RERE: variants seen among roughly 807,000 people sequenced by gnomAD.
RERE encodes arginine-glutamic acid dipeptide repeats.
In RERE, 40 loss-of-function variants were observed where a neutral mutation model predicts 146.1. That is an observed-to-expected ratio of 0.27 (90% CI 0.21 to 0.36). The LOEUF is 0.36. Among genes scored for constraint, RERE ranks in the 10% least tolerant of loss-of-function variants. The probability of loss-of-function intolerance (pLI) is 1.00; values close to 1 mark genes in which losing one functional copy is unlikely to be tolerated. For missense variants in RERE, 1,933 were observed against 2,138.7 expected, an observed-to-expected ratio of 0.90 and a Z score of 1.90; for synonymous variants, 1,003 against 866.0, an observed-to-expected ratio of 1.16 and a Z score of -2.78.
At chr1:8,783,598 A>G (rs1557540514) in intron 1 of RERE, among the ~76,000 whole-genome samples, 1 of 152,202 alleles carries the variant, frequency 6.6e-6, no homozygotes, top group African/African-American at 2.4e-5. Flanking sequence ...TGAACTCAGG[A>G]GTTTGAGACC....
chr1:8,634,806 G>A (rs2124262797), intron 2 of RERE, among the ~76,000 whole-genome samples: 1 of 152,296 alleles, frequency 6.6e-6, no homozygotes, highest in African/African-American at 2.4e-5. Flanking sequence ...CGCGATCTCG[G>A]TTCACTGCAA....
intron 7 of RERE, among the ~76,000 whole-genome samples, chr1:8,514,867 C>T (rs1290224678): frequency 6.6e-6 from 1 of 152,186 alleles, no homozygotes; most frequent in Non-Finnish European, 1.5e-5. Context: ...TCAGCAAGTG[C>T]TGGAGGCTAA....
intron 8 of RERE, among the ~76,000 whole-genome samples, chr1:8,502,908 T>A (rs1460628436): frequency 6.6e-6 from 1 of 151,018 alleles, no homozygotes; most frequent in Admixed American, 6.6e-5. Context: ...TTAAGAGTCA[T>A]CACCACTCCC....
chr1:8,597,880 A>C lies in RERE; in HGVS notation c.522+16681T>G, dbSNP rs182778236. On this transcript the variant is annotated intron_variant, in intron 4 of 22. Coordinates refer to ENST00000400908, the MANE Select transcript of RERE (RefSeq NM_001042681.2). ...ACCAACTGCCTGGTATTCAGCTGTG[A>C]CTGTGAGGATGGATAACTATATTTC... 4.6e-5 allele frequency among the ~76,000 whole-genome samples: 7 copies of C among 152,160 alleles called. No homozygotes were observed. The East Asian group carries it at 1.4e-3, about 29-fold the overall frequency.
At chr1:8,644,910 C>T (rs562428594) in intron 2 of RERE, among the ~76,000 whole-genome samples, 133 of 152,270 alleles carry the variant, frequency 8.7e-4, no homozygotes, top group African/African-American at 3.1e-3. Context: ...ATCAGTCTAT[C>T]TCTTCTTTTT....
intron 8 of RERE, 45 bp downstream of exon 8, chr1:8,508,582 T>TA (rs758032616): frequency 7.0e-7 from 1 of 1,427,740 alleles, no homozygotes; most frequent in Non-Finnish European, 9.9e-7. Context: ...AGCAGAGTAA[T>TA]AAGAAACAAA....
intron 1 of RERE, among the ~76,000 whole-genome samples, chr1:8,680,146 A>G (rs1570600694): frequency 6.6e-6 from 1 of 152,158 alleles, no homozygotes; most frequent in South Asian, 2.1e-4. Context: ...TCCTTTTCCT[A>G]TACACCTGGT....
At chr1:8,662,981 A>G (rs1395610721) in intron 1 of RERE, among the ~76,000 whole-genome samples, 3 of 152,170 alleles carry the variant, frequency 2.0e-5, no homozygotes, top group Non-Finnish European at 2.9e-5. Flanking sequence ...CAAATGTAAA[A>G]TATCAATAAT....
At chr1:8,598,576 G>C (rs940475440) in intron 4 of RERE, among the ~76,000 whole-genome samples, 5 of 152,170 alleles carry the variant, frequency 3.3e-5, no homozygotes, top group South Asian at 4.1e-4. Context: ...ACCAGGGCTG[G>C]ATTCCACACA....
intron 1 of RERE, among the ~76,000 whole-genome samples, chr1:8,799,151 G>A (rs547686270): frequency 6.0e-5 from 9 of 150,484 alleles, no homozygotes; most frequent in East Asian, 5.9e-4. Flanking sequence ...CCGCCACCAC[G>A]TCCAGCTAAT....
chr1:8,604,672 G>A (rs1646679537), intron 4 of RERE, among the ~76,000 whole-genome samples: 1 of 149,948 alleles, frequency 6.7e-6, no homozygotes, highest in African/African-American at 2.5e-5. Flanking sequence ...AAGGAAGGAA[G>A]GAAGTCCACA....
At chr1:8,365,642 C>A (rs189700806) in intron 13 of RERE, among the ~76,000 whole-genome samples, 170 bp downstream of exon 13, 2 of 152,292 alleles carry the variant, frequency 1.3e-5, no homozygotes, top group East Asian at 3.9e-4. Flanking sequence ...TCCTGCTCCC[C>A]GCCCCCACCA....
Position 8,416,598 on chromosome 1 carries a change from AAAAAGAAAAG to A in RERE, c.1284+6119_1284+6128del, listed in dbSNP as rs1224760336. ...GAGACTCCATCTCCAAAAAAAAAAA[AAAAAGAAAAG>A]AAAAGAAAAGAAAAGAAATCCTATT... On this transcript the variant is annotated intron_variant, in intron 12 of 22. Coordinates refer to ENST00000400908, the MANE Select transcript of RERE (RefSeq NM_001042681.2). 1.4e-4 allele frequency among the ~76,000 whole-genome samples: 21 copies of A among 147,760 alleles called. No homozygotes were observed. The South Asian group carries it at 1.9e-3, about 13-fold the overall frequency.
intron 9 of RERE, 133 bp downstream of exon 9, chr1:8,497,272 G>C (rs1645058082): frequency 1.2e-6 from 1 of 866,806 alleles, no homozygotes; most frequent in African/African-American, 1.7e-5. Context: ...CGATTACAGA[G>C]GGTGTAACCA....
chr1:8,380,967 G>A (rs1450021692), intron 12 of RERE: 1 of 456,646 alleles, frequency 2.2e-6, no homozygotes, highest in South Asian at 1.5e-5. Context: ...GGGTAAAAGG[G>A]ACCAATGGTT....
intron 7 of RERE, among the ~76,000 whole-genome samples, chr1:8,516,026 G>A (rs1285848687): frequency 3.3e-5 from 5 of 151,716 alleles, no homozygotes. Context: ...AAAACAGCCT[G>A]GCCAATATGG....
chr1:8,422,284 A>T (rs1467990321), intron 12 of RERE, among the ~76,000 whole-genome samples: 1 of 152,244 alleles, frequency 6.6e-6, no homozygotes, highest in Non-Finnish European at 1.5e-5. Context: ...AGCAACATTG[A>T]AAAATGGAAA....
At chr1:8,501,981 G>A (rs1645170490) in intron 8 of RERE, among the ~76,000 whole-genome samples, 1 of 115,100 alleles carries the variant, frequency 8.7e-6, no homozygotes, top group African/African-American at 3.2e-5. Flanking sequence ...GTCCGGGAGG[G>A]AGGTGGGGGG....
chr1:8,453,808 CAA>C (rs34155514), intron 11 of RERE, among the ~76,000 whole-genome samples: 1 of 151,118 alleles, frequency 6.6e-6, no homozygotes, highest in Non-Finnish European at 1.5e-5. Context: ...GACTCTGTCT[CAA>C]AAAAAAATTT....
Sources: gnomAD v4.1 joint callset for allele counts (sites outside exome capture counted in the v4.1 genomes callset) on GRCh38, gnomAD v4.1.1 for gene constraint, MANE v1.5 for transcripts, NCBI Gene and HGNC (gene_info 2026-07-23, HGNC 2026-07-21) for gene names.